The following SKI variants were observed in gnomAD, a reference collection of about 807,000 sequenced individuals.
The protein encoded by SKI is SKI proto-oncogene.
In SKI, 23 loss-of-function variants were observed where a neutral mutation model predicts 59.3. The ratio of observed to expected loss-of-function variants is 0.39; its 90% CI spans 0.28 to 0.55. The LOEUF is 0.55. SKI is among the 20% of genes least tolerant of loss of function. The probability of loss-of-function intolerance (pLI) is 0.67; values close to 1 mark genes in which losing one functional copy is unlikely to be tolerated. For synonymous variants in SKI, 673 were observed against 488.6 expected (o/e 1.38, Z -4.98); for missense variants, 1,017 against 1,038.9 (o/e 0.98, Z 0.29).
rs1364653973 is a variant in SKI at position 2,304,383 on chromosome 1, C to T, written c.1565C>T (p.Pro522Leu). The part of the protein sequence containing the change: ...DLGSPGARAL[P>L]SAVPDAAAPA... ...GGCTCCCCGGGTGCGCGTGCCCTGC[C>T]CTCGGCCGTCCCTGATGCTGCGGCC... The change falls in exon 5 of 7, where the codon CCC (proline) becomes CTC (leucine). Residue 522 changes from proline to leucine, a missense_variant. Physicochemically the swap from Pro to Leu is moderately conservative, Grantham distance 98 (BLOSUM62 -3). Transcript: ENST00000378536. 1.3e-6 allele frequency: 2 copies of T among 1,551,814 alleles called. No homozygotes were observed. Among genetic ancestry groups the T allele is most frequent in the African/African-American group, 1.4e-5 (1 of 73,064 alleles).
At position 2,309,947 on chromosome 1, in the gene SKI, T is replaced by TTC. The variant is rs35148324; in HGVS notation, c.*3182_*3183insTC. 3 of 135,424 alleles carry TTC rather than the reference T, an allele frequency of 2.2e-5. No individual in the cohort carries two copies. Among genetic ancestry groups the TTC allele is most frequent in the South Asian group, 2.6e-4 (1 of 3,914 alleles). The allele number at this position is 135,424 out of a possible 1,614,324, so 8.4% of individuals were successfully genotyped here. A position where few individuals can be genotyped will look rare whatever the true frequency, so the allele number is the denominator to read the frequency against. On this transcript the variant is annotated 3_prime_UTR_variant, in exon 7 of 7. Transcript: ENST00000378536. ...AGGAGTCACAAATGACTTTTTTTTT[T>TTC]CAATTAAGGAAAAAGCTCCATCTCT...
At position 2,303,248 on chromosome 1, in the gene SKI, C is replaced by G; in HGVS notation, c.1096-37C>G. 1 of 1,605,250 alleles carries G rather than the reference C, an allele frequency of 6.2e-7. No homozygotes were observed. The highest frequency in any genetic ancestry group is 1.1e-5 in the South Asian group (1 of 90,922). ...CAGGGACATGAAGTGGCTTGTTTTT[C>G]TCCTGGTCACTCACACAGACAACTC... On this transcript the variant is annotated intron_variant, in intron 2 of 6. Transcript: ENST00000378536. The surrounding 1 kb of genome is among the most constrained non-coding windows in gnomAD (Gnocchi z 5.6).
intron 1 of SKI, among the ~76,000 whole-genome samples, chr1:2,240,039 G>T (rs1417286470): frequency 6.6e-6 from 1 of 152,238 alleles, no homozygotes; most frequent in Non-Finnish European, 1.5e-5. Flanking sequence ...TTTCTTTGGT[G>T]TTTCAATGGA....
Position 2,279,641 on chromosome 1 carries a change from G to T in SKI, c.970-23337G>T, listed in dbSNP as rs111399482. Among the ~76,000 whole-genome samples, 63 of 152,232 alleles carry T rather than the reference G, an allele frequency of 4.1e-4. 1 individual carries two copies. In the South Asian group the frequency reaches 0.011, roughly 28 times the overall value. ...AGGGCTGAAGGGGGGAGTCGGCTTG[G>T]GGGGAGAGTGTTCTCCTGCCCACCC... On this transcript the variant is annotated intron_variant, in intron 1 of 6. Coordinates refer to ENST00000378536, the MANE Select transcript of SKI (RefSeq NM_003036.4).
chr1:2,245,184 G>T (rs1259901294), intron 1 of SKI, among the ~76,000 whole-genome samples: 4 of 151,576 alleles, frequency 2.6e-5, no homozygotes, highest in Non-Finnish European at 5.9e-5. Context: ...GAATCGCACA[G>T]GATCTGTCCT....
At chr1:2,264,792 A>T (rs1639464220) in intron 1 of SKI, among the ~76,000 whole-genome samples, 1 of 151,818 alleles carries the variant, frequency 6.6e-6, no homozygotes, top group Non-Finnish European at 1.5e-5. Context: ...CTTGACGGAC[A>T]TGCCTCTTCT....
intron 1 of SKI, among the ~76,000 whole-genome samples, chr1:2,246,835 C>T (rs539363975): frequency 1.4e-5 from 2 of 143,700 alleles, no homozygotes; most frequent in African/African-American, 5.1e-5. Context: ...CCTGTAGCAG[C>T]AGCAAAGAGG....
chr1:2,284,224 C>T lies in SKI; in HGVS notation c.970-18754C>T, dbSNP rs77233411. ...ACAGCGTCCTCCCCGTTCCACTGGC[C>T]GGGGCTCCCTCAGGTTGCTGCCCTG... On this transcript the variant is annotated intron_variant, in intron 1 of 6. Transcript: ENST00000378536. Among the ~76,000 whole-genome samples the T allele has an allele frequency of 1.8e-3, 271 of 152,222 alleles. 3 individuals are homozygous for T. The East Asian group carries it at 0.034, about 19-fold the overall frequency.
chr1:2,228,359 C>G lies in SKI; in HGVS notation c.-408C>G, dbSNP rs1427721612. 1.4e-5 allele frequency among the ~76,000 whole-genome samples: 2 copies of G among 142,374 alleles called. No individual in the cohort carries two copies. Among genetic ancestry groups the G allele is most frequent in the Admixed American group, 6.9e-5 (1 of 14,490 alleles). 93.4% of individuals were successfully genotyped at this position (142,374 alleles called of 152,430 possible). A position where few individuals can be genotyped will look rare whatever the true frequency, so the allele number is the denominator to read the frequency against. ...CTCGGCCTCGGCCGCCGCGGCGATT[C>G]GCGCCTCGCGGCGCCGGCACCTGCC... is the stretch of plus-strand genomic sequence containing the variant. On this transcript the variant is annotated 5_prime_UTR_variant, in exon 1 of 7. Coordinates refer to ENST00000378536, the MANE Select transcript of SKI (RefSeq NM_003036.4).
Position 2,306,818 on chromosome 1 carries a change from G to A in SKI, c.*53G>A, listed in dbSNP as rs1288927763. On this transcript the variant is annotated 3_prime_UTR_variant, in exon 7 of 7. Transcript: ENST00000378536. ...CGACAACGCGGGTGCAGGGGGGCGCGGCTGGGCGGTGCAGCTCCGCCCGGC... is the reference window on the plus strand; with the variant it reads ...CGACAACGCGGGTGCAGGGGGGCGCAGCTGGGCGGTGCAGCTCCGCCCGGC... 3.0e-6 allele frequency: 4 copies of A among 1,319,472 alleles called. No homozygotes were observed. Among genetic ancestry groups the A allele is most frequent in the South Asian group, 1.6e-5 (1 of 63,572 alleles). The allele number at this position is 1,319,472 out of a possible 1,614,324, so 81.7% of individuals were successfully genotyped here.
At chr1:2,230,366 C>T (rs989898481) in intron 1 of SKI, among the ~76,000 whole-genome samples, 4 of 152,164 alleles carry the variant, frequency 2.6e-5, no homozygotes, top group Admixed American at 6.5e-5. Flanking sequence ...GCGGCTCCAG[C>T]ACTGTGCTGG....
chr1:2,275,048 C>T (rs376648948), intron 1 of SKI, among the ~76,000 whole-genome samples: 2 of 152,206 alleles, frequency 1.3e-5, no homozygotes, highest in African/African-American at 2.4e-5. Context: ...CTGAAGCGGC[C>T]TCACAGGGGG....
At chr1:2,252,288 C>G (rs529290626) in intron 1 of SKI, among the ~76,000 whole-genome samples, 1 of 152,126 alleles carries the variant, frequency 6.6e-6, no homozygotes, top group Non-Finnish European at 1.5e-5. Context: ...GGGCTGTGTC[C>G]CAAGACCAGG....
At position 2,306,187 on chromosome 1, in the gene SKI, G is replaced by T. The variant is rs751933078; in HGVS notation, c.1935G>T (p.Arg645=). The T allele has an allele frequency of 5.0e-6, 8 of 1,584,562 alleles. No homozygotes were observed. In the East Asian group the frequency reaches 1.8e-4, roughly 36 times the overall value. ...TGAAGCGGGAGCTGGAGCAGGCGCG[G>T]CAGGCCCGGGTGTGCGACAAGGGCT... ...LRLKRELEQA[R]QARVCDKGCE... is the part of the protein sequence containing the mutation. Residue 645 remains arginine, a synonymous_variant, in exon 6 of 7, where the codon CGG becomes CGT. Transcript: ENST00000378536.
intron 1 of SKI, among the ~76,000 whole-genome samples, chr1:2,260,211 G>T (rs369397708): frequency 6.6e-6 from 1 of 152,312 alleles, no homozygotes; most frequent in East Asian, 1.9e-4. Context: ...GTCCTGATGG[G>T]TGTGCGGCGG....
intron 1 of SKI, among the ~76,000 whole-genome samples, chr1:2,246,270 T>A (rs1436842316): frequency 6.6e-6 from 1 of 152,230 alleles, no homozygotes; most frequent in African/African-American, 2.4e-5. Context: ...TTGGTTCTCA[T>A]TTCCCTGATG....
chr1:2,231,526 G>A (rs1638637655), intron 1 of SKI, among the ~76,000 whole-genome samples: 1 of 152,196 alleles, frequency 6.6e-6, no homozygotes, highest in African/African-American at 2.4e-5. Flanking sequence ...GAGCGCCGGG[G>A]TCCTTGGGCC....
At position 2,269,499 on chromosome 1, in the gene SKI, C is replaced by T. The variant is rs1256040281; in HGVS notation, c.970-33479C>T. 6.6e-6 allele frequency among the ~76,000 whole-genome samples: 1 copy of T among 152,248 alleles called. No homozygotes were observed. Among genetic ancestry groups the T allele is most frequent in the African/African-American group, 2.4e-5 (1 of 41,464 alleles). ...TCTGTGGCCTTCTGTGAAGCAAAGC[C>T]GTTTTGCAGGCTGGGTTCATCCCCG... On this transcript the variant is annotated intron_variant, in intron 1 of 6. Coordinates refer to ENST00000378536, the MANE Select transcript of SKI (RefSeq NM_003036.4). The surrounding 1 kb of genome is among the most constrained non-coding windows in gnomAD (Gnocchi z 4.7).
At chr1:2,256,658 G>C (rs773691566) in intron 1 of SKI, among the ~76,000 whole-genome samples, 1 of 152,256 alleles carries the variant, frequency 6.6e-6, no homozygotes, top group African/African-American at 2.4e-5. Context: ...GGGCACCCGT[G>C]TATGGAGGGC....
Sources: allele counts gnomAD v4.1 joint callset (sites outside exome capture counted in the v4.1 genomes callset), GRCh38; gene constraint gnomAD v4.1.1; non-coding constraint Gnocchi (gnomAD v3.1); transcripts MANE v1.5; gene names NCBI Gene and HGNC (gene_info 2026-07-23, HGNC 2026-07-21).